SEC13: variants seen among roughly 807,000 people sequenced by gnomAD.
The protein encoded by SEC13 is SEC13 homolog, nuclear pore and COPII component.
Under a neutral mutation model 49.2 loss-of-function variants are expected in SEC13, and 25 were observed. That is an observed-to-expected ratio of 0.51 (90% CI 0.37 to 0.71). The LOEUF (loss-of-function observed/expected upper bound fraction) is 0.71. Among genes scored for constraint, SEC13 ranks in the 30% least tolerant of loss-of-function variants. The probability of loss-of-function intolerance (pLI) is 0.00; values close to 1 mark genes in which losing one functional copy is unlikely to be tolerated. For synonymous variants in SEC13, 148 were observed against 163.9 expected (o/e 0.90, Z 0.74); for missense variants, 383 against 417.6 (o/e 0.92, Z 0.72).
rs569658016 is a variant in SEC13 at position 10,305,627 on chromosome 3, C to T, written c.516G>A (p.Ser172=). The T allele has an allele frequency of 2.4e-5, 38 of 1,614,180 alleles. No homozygotes were observed. Among genetic ancestry groups the T allele is most frequent in the African/African-American group, 4.0e-5 (3 of 75,060 alleles). ...TCTTGATGTAATTGGGTTTCTGCCC[C>T]GATGGGTGGTCTATGAGGCTTCCAG... ...VVPGSLIDHP[S]GQKPNYIKRF... is the part of the protein sequence containing the mutation. The change falls in exon 6 of 9, where the codon TCG becomes TCA. Residue 172 remains serine, a synonymous_variant. Coordinates refer to ENST00000350697, the MANE Select transcript of SEC13 (RefSeq NM_183352.3).
At chr3:10,308,233 T>A (rs1164214048) in intron 5 of SEC13, among the ~76,000 whole-genome samples, 1 of 152,138 alleles carries the variant, frequency 6.6e-6, no homozygotes, top group Non-Finnish European at 1.5e-5. Context: ...TGGTAATCCA[T>A]CTCCCCATCC....
At chr3:10,311,424 C>T (rs1250104089) in intron 5 of SEC13, 3 of 155,118 alleles carry the variant, frequency 1.9e-5, no homozygotes, top group Admixed American at 6.5e-5. Context: ...ATGAGCCCCC[C>T]ACATTGGTTA....
Position 10,301,114 on chromosome 3 carries a change from G to C in SEC13, c.*147C>G, listed in dbSNP as rs1484748631. 8.1e-6 allele frequency: 13 copies of C among 1,613,486 alleles called. No homozygotes were observed. Among genetic ancestry groups the C allele is most frequent in the Non-Finnish European group, 1.1e-5 (13 of 1,179,890 alleles). On this transcript the variant is annotated 3_prime_UTR_variant, in exon 9 of 9. Coordinates refer to ENST00000350697, the MANE Select transcript of SEC13 (RefSeq NM_183352.3). The stretch of plus-strand genomic sequence containing the variant: ...AAGCATCTCCGATCACGTTAAGGCA[G>C]ATGATCAATCTGTGGCTGCATCTGT...
intron 3 of SEC13, 128 bp from the exon 4 acceptor site, chr3:10,312,858 A>G: frequency 1.1e-6 from 1 of 892,830 alleles, no homozygotes. Context: ...AGGGAGAACT[A>G]TACAATGCCA....
intron 1 of SEC13, chr3:10,320,613 C>G (rs770230765): frequency 9.0e-6 from 9 of 997,878 alleles, no homozygotes; most frequent in Non-Finnish European, 1.1e-5. Flanking sequence ...TCTACTACCA[C>G]TTAAGCAGCT....
chr3:10,302,400 T>TTTAGGTAA, intron 8 of SEC13, among the ~76,000 whole-genome samples: 1 of 152,146 alleles, frequency 6.6e-6, no homozygotes, highest in South Asian at 2.1e-4. Context: ...TACTAAGTCC[T>TTTAGGTAA]TTAGGTAAGG....
intron 2 of SEC13, 35 bp from the exon 3 acceptor site, chr3:10,315,471 C>CTGGG (rs768007557): frequency 3.5e-4 from 4 of 11,548 alleles, no homozygotes; most frequent in Non-Finnish European, 7.5e-4. Context: ...AGCCTGCAGG[C>CTGGG]TGGGTGGGTG....
At chr3:10,307,947 A>G (rs553224023) in intron 5 of SEC13, among the ~76,000 whole-genome samples, 4 of 152,272 alleles carry the variant, frequency 2.6e-5, no homozygotes, top group South Asian at 2.1e-4. Context: ...CTTTGTAGTC[A>G]TTTTAGTTGT....
At chr3:10,304,946 C>T in intron 7 of SEC13, 87 bp downstream of exon 7, 1 of 1,596,258 alleles carries the variant, frequency 6.3e-7, no homozygotes, top group Non-Finnish European at 8.5e-7. Flanking sequence ...CTTTACCTTC[C>T]CAGAGGACTT....
At position 10,305,106 on chromosome 3, in the gene SEC13, CTG is replaced by C. The variant is rs1218790953; in HGVS notation, c.633_634del (p.His211GlnfsTer2). 1.2e-6 allele frequency: 2 copies of C among 1,614,132 alleles called. No homozygotes were observed. Among genetic ancestry groups the C allele is most frequent in the Non-Finnish European group, 1.7e-6 (2 of 1,180,014 alleles). ...CCAGGCCACATCTCGAACCCAGTCA[CTG>C]TGCGCTTCTAGCTTCTGCTCCTCCT... On this transcript the variant is annotated frameshift_variant, in exon 7 of 9. Coordinates refer to ENST00000350697, the MANE Select transcript of SEC13 (RefSeq NM_183352.3). LOFTEE classifies it high-confidence loss of function.
At chr3:10,305,367 C>T (rs1022621016) in intron 6 of SEC13, 192 bp downstream of exon 6, 2 of 1,046,982 alleles carry the variant, frequency 1.9e-6, no homozygotes, top group East Asian at 2.5e-5. Flanking sequence ...TCAGCTCCAA[C>T]AGTTGGGAAT....
intron 7 of SEC13, among the ~76,000 whole-genome samples, chr3:10,304,488 T>C (rs1278675621): frequency 6.6e-6 from 1 of 152,020 alleles, no homozygotes; most frequent in Non-Finnish European, 1.5e-5. Flanking sequence ...CTCAACTGAA[T>C]GGGCAGAGCT....
chr3:10,301,705 G>A (rs910761984), intron 8 of SEC13, among the ~76,000 whole-genome samples: 2 of 152,190 alleles, frequency 1.3e-5, no homozygotes, highest in Non-Finnish European at 2.9e-5. Flanking sequence ...CAGAGCATCG[G>A]TCACCTGGGA....
chr3:10,309,019 C>A (rs913494239), intron 5 of SEC13, among the ~76,000 whole-genome samples: 1 of 147,612 alleles, frequency 6.8e-6, no homozygotes, highest in Admixed American at 6.9e-5. Context: ...CTCTCTGCAA[C>A]CTCTGACTCC....
intron 5 of SEC13, among the ~76,000 whole-genome samples, chr3:10,308,591 A>G (rs904241652): frequency 4.6e-5 from 7 of 151,972 alleles, no homozygotes; most frequent in Non-Finnish European, 7.4e-5. Context: ...CTTGGCTCAC[A>G]CTTTCTTTCC....
intron 3 of SEC13, among the ~76,000 whole-genome samples, chr3:10,314,380 C>T (rs1202435060): frequency 1.3e-5 from 2 of 152,222 alleles, no homozygotes; most frequent in African/African-American, 4.8e-5. Flanking sequence ...CTAATAACCA[C>T]TGTAATTTCA....
intron 3 of SEC13, 50 bp from the exon 4 acceptor site, chr3:10,312,780 C>A: frequency 6.3e-7 from 1 of 1,592,382 alleles, no homozygotes; most frequent in South Asian, 1.1e-5. Flanking sequence ...TCTGCAGGCA[C>A]TACTTTGGAC....
chr3:10,312,488 AC>A, intron 4 of SEC13, 90 bp downstream of exon 4: 6 of 1,477,080 alleles, frequency 4.1e-6, no homozygotes, highest in Non-Finnish European at 5.5e-6. Context: ...AAGAGGCACC[AC>A]GAGGGGCAGG....
intron 5 of SEC13, among the ~76,000 whole-genome samples, chr3:10,310,056 T>C (rs1454526054): frequency 1.3e-5 from 2 of 152,212 alleles, no homozygotes; most frequent in Non-Finnish European, 1.5e-5. Context: ...AGCTCAGATT[T>C]CTTCCCGCCC....
Sources: gnomAD v4.1 joint callset for allele counts (sites outside exome capture counted in the v4.1 genomes callset) on GRCh38, gnomAD v4.1.1 for gene constraint, MANE v1.5 for transcripts, NCBI Gene and HGNC (gene_info 2026-07-23, HGNC 2026-07-21) for gene names.